CTNNA3: variants seen among roughly 807,000 people sequenced by gnomAD.
The protein encoded by CTNNA3 is catenin alpha-3.
In CTNNA3, 76 loss-of-function variants were observed where a neutral mutation model predicts 95.7. The ratio of observed to expected loss-of-function variants is 0.79; its 90% CI spans 0.66 to 0.96. The LOEUF is 0.96. CTNNA3 is among the 40% of genes least tolerant of loss of function. The pLI is 0.00. For synonymous variants in CTNNA3, 431 were observed against 374.4 expected (o/e 1.15, Z -1.74); for missense variants, 1,191 against 1,089.8 (o/e 1.09, Z -1.31).
chr10:67,230,765 G>C (rs1564495377), intron 5 of CTNNA3, among the ~76,000 whole-genome samples: 1 of 152,182 alleles, frequency 6.6e-6, no homozygotes, highest in African/African-American at 2.4e-5. Flanking sequence ...TGAGGTACAG[G>C]GTTCATCTCA....
At chr10:67,153,209 C>T (rs1861161345) in intron 7 of CTNNA3, among the ~76,000 whole-genome samples, 1 of 152,168 alleles carries the variant, frequency 6.6e-6, no homozygotes, top group African/African-American at 2.4e-5. Flanking sequence ...CTCCAGATCT[C>T]AGGTGATCCA....
rs554147077 is a variant in CTNNA3, at chr10:66,400,160, A to G, written c.1532-20808T>C. Among the ~76,000 whole-genome samples the G allele has an allele frequency of 1.1e-4, 17 of 152,144 alleles. No individual in the cohort carries two copies. The South Asian group carries it at 3.5e-3, about 31-fold the overall frequency. On this transcript the variant is annotated intron_variant, in intron 11 of 17. Transcript: ENST00000433211. ...AAAAATGAAAACAAAACAAAGAATC[A>G]AAACATGTTTACAAAGAAAATATAA... is the stretch of plus-strand genomic sequence containing the variant.
chr10:66,673,147 T>C (rs1846724237), intron 9 of CTNNA3, among the ~76,000 whole-genome samples: 2 of 152,072 alleles, frequency 1.3e-5, no homozygotes, highest in African/African-American at 4.8e-5. Flanking sequence ...AATGAGGCAT[T>C]AAATGTCCAC....
At chr10:66,445,288 C>T (rs1324525672) in intron 11 of CTNNA3, among the ~76,000 whole-genome samples, 1 of 151,772 alleles carries the variant, frequency 6.6e-6, no homozygotes, top group Non-Finnish European at 1.5e-5. Flanking sequence ...ACAAGGATAC[C>T]CAGGAATTGA....
intron 3 of CTNNA3, among the ~76,000 whole-genome samples, chr10:67,583,400 G>T (rs546716889): frequency 1.3e-5 from 2 of 152,292 alleles, no homozygotes; most frequent in South Asian, 4.1e-4. Flanking sequence ...ACTCTCTTCT[G>T]GCTTGTAGAG....
chr10:66,465,717 A>G (rs1199972317), intron 11 of CTNNA3, among the ~76,000 whole-genome samples: 1 of 152,026 alleles, frequency 6.6e-6, no homozygotes, highest in East Asian at 1.9e-4. Flanking sequence ...TGGGAAAGGA[A>G]ACATCAGATG....
At chr10:65,943,878 G>A (rs1024151314) in intron 17 of CTNNA3, among the ~76,000 whole-genome samples, 2 of 152,254 alleles carry the variant, frequency 1.3e-5, no homozygotes, top group African/African-American at 4.8e-5. Flanking sequence ...TAAAGGAGAT[G>A]TTGTATATAA....
intron 5 of CTNNA3, among the ~76,000 whole-genome samples, chr10:67,393,788 A>C (rs2132780835): frequency 6.6e-6 from 1 of 152,306 alleles, no homozygotes; most frequent in East Asian, 1.9e-4. Flanking sequence ...CTAGCTATCA[A>C]GGTAAAATTA....
intron 7 of CTNNA3, among the ~76,000 whole-genome samples, chr10:67,088,495 G>A (rs1857435007): frequency 1.3e-5 from 2 of 151,792 alleles, no homozygotes; most frequent in African/African-American, 2.4e-5. Flanking sequence ...GATAAACGGT[G>A]CCTGCATTAC....
chr10:67,198,352 G>A (rs139455023), intron 6 of CTNNA3, among the ~76,000 whole-genome samples: 2 of 152,108 alleles, frequency 1.3e-5, no homozygotes, highest in African/African-American at 4.8e-5. Flanking sequence ...TGCCAGTCAC[G>A]AAGGTCTTAC....
rs1405338471 is a variant in CTNNA3, at chr10:65,917,212, T to G, written c.*3118A>C. The G allele has an allele frequency of 1.3e-5, 2 of 152,290 alleles. No individual in the cohort carries two copies. Among genetic ancestry groups the G allele is most frequent in the Admixed American group, 1.3e-4 (2 of 15,292 alleles). 9.4% of individuals were successfully genotyped at this position (152,290 alleles called of 1,614,324 possible). A position where few individuals can be genotyped will look rare whatever the true frequency, so the allele number is the denominator to read the frequency against. ...GCTATATTGTCTTTTCTAATACATTTGCAATTTGCACTCATATAATAAATA... is the reference window on the plus strand; with the variant it reads ...GCTATATTGTCTTTTCTAATACATTGGCAATTTGCACTCATATAATAAATA... On this transcript the variant is annotated 3_prime_UTR_variant, in exon 18 of 18. Coordinates refer to ENST00000433211, the MANE Select transcript of CTNNA3 (RefSeq NM_013266.4).
intron 7 of CTNNA3, among the ~76,000 whole-genome samples, chr10:67,133,833 G>T (rs1433344650): frequency 6.6e-6 from 1 of 152,056 alleles, no homozygotes; most frequent in African/African-American, 2.4e-5. Context: ...TTTTACATAT[G>T]CCATCTCATT....
At chr10:67,540,343 T>C (rs1589405033) in intron 3 of CTNNA3, among the ~76,000 whole-genome samples, 1 of 152,042 alleles carries the variant, frequency 6.6e-6, no homozygotes, top group East Asian at 1.9e-4. Flanking sequence ...TCCAACAACA[T>C]AATTGATAAT....
chr10:67,493,799 T>A (rs1477871815), intron 5 of CTNNA3, among the ~76,000 whole-genome samples: 1 of 152,140 alleles, frequency 6.6e-6, no homozygotes, highest in Non-Finnish European at 1.5e-5. Context: ...TTTCAGAAAC[T>A]TAGCATGAGG....
At chr10:65,952,289 G>C (rs1486568939) in intron 17 of CTNNA3, among the ~76,000 whole-genome samples, 1 of 152,078 alleles carries the variant, frequency 6.6e-6, no homozygotes, top group Non-Finnish European at 1.5e-5. Context: ...TGCATTTTTT[G>C]AAGTATATCC....
At chr10:66,937,369 A>G (rs201132207) in intron 7 of CTNNA3, among the ~76,000 whole-genome samples, 3 of 152,186 alleles carry the variant, frequency 2.0e-5, no homozygotes, top group East Asian at 3.8e-4. Flanking sequence ...ATACTCATAA[A>G]GATCCTATGA....
intron 3 of CTNNA3, among the ~76,000 whole-genome samples, chr10:67,560,031 G>A (rs999652287): frequency 3.9e-5 from 6 of 152,118 alleles, no homozygotes; most frequent in African/African-American, 1.2e-4. Flanking sequence ...TGAAAGTGAT[G>A]GGGAGAATGG....
intron 7 of CTNNA3, among the ~76,000 whole-genome samples, chr10:67,110,106 C>T (rs1858843014): frequency 6.6e-6 from 1 of 152,122 alleles, no homozygotes; most frequent in Non-Finnish European, 1.5e-5. Context: ...AGATAGTTTT[C>T]TACAGGGTGG....
At chr10:67,184,047 T>C (rs1034123316) in intron 6 of CTNNA3, among the ~76,000 whole-genome samples, 66 of 152,154 alleles carry the variant, frequency 4.3e-4, no homozygotes, top group East Asian at 1.9e-4. Context: ...AAATTGCCCT[T>C]GTTTAATAAG....
Sources: allele counts gnomAD v4.1 joint callset (sites outside exome capture counted in the v4.1 genomes callset), GRCh38; gene constraint gnomAD v4.1.1; transcripts MANE v1.5; gene names NCBI Gene and HGNC (gene_info 2026-07-23, HGNC 2026-07-21).